The following PLD5 variants were observed in gnomAD, a reference collection of about 807,000 sequenced individuals.
PLD5 encodes inactive phospholipase D5.
In PLD5, 36 loss-of-function variants were observed where a neutral mutation model predicts 61.1. That is an observed-to-expected ratio of 0.59 (90% CI 0.45 to 0.78). The LOEUF (loss-of-function observed/expected upper bound fraction) is 0.78, where lower values mean the gene tolerates loss of function less well. Ranked by LOEUF, PLD5 falls within the 30% of genes least tolerant of loss-of-function variation. The probability of loss-of-function intolerance (pLI) is 0.00; values close to 1 mark genes in which losing one functional copy is unlikely to be tolerated. For missense variants in PLD5, 515 were observed against 644.4 expected (o/e 0.80, Z 2.17); for synonymous variants, 243 against 242.8 (o/e 1.00, Z -0.01).
chr1:242,182,574 G>A (rs1574468146), intron 5 of PLD5, among the ~76,000 whole-genome samples: 1 of 152,162 alleles, frequency 6.6e-6, no homozygotes, highest in African/African-American at 2.4e-5. Context: ...AGGGCGCAGT[G>A]GCTCACGCTT....
intron 2 of PLD5, among the ~76,000 whole-genome samples, chr1:242,343,348 C>T (rs1659948447): frequency 1.3e-5 from 2 of 152,084 alleles, no homozygotes; most frequent in African/African-American, 2.4e-5. Flanking sequence ...CATTGGACTT[C>T]AGAACAAAGT....
At chr1:242,498,917 C>A (rs1668463550) in intron 1 of PLD5, among the ~76,000 whole-genome samples, 1 of 152,130 alleles carries the variant, frequency 6.6e-6, no homozygotes, top group South Asian at 2.1e-4. Flanking sequence ...CATATATAAC[C>A]ACTTTCTTAA....
intron 1 of PLD5, among the ~76,000 whole-genome samples, chr1:242,432,774 C>G (rs116812991): frequency 0.035 from 5,215 of 150,446 alleles, 289 homozygotes; most frequent in African/African-American, 0.12. Context: ...GTGGGAAGGC[C>G]AAATGGAAAA....
intron 5 of PLD5, among the ~76,000 whole-genome samples, chr1:242,160,396 C>A (rs971276961): frequency 1.3e-5 from 2 of 152,080 alleles, no homozygotes; most frequent in African/African-American, 4.8e-5. Flanking sequence ...CTAGAGAGAT[C>A]ACACCCCTAA....
At chr1:242,201,233 C>T (rs1668966342) in intron 5 of PLD5, among the ~76,000 whole-genome samples, 2 of 152,048 alleles carry the variant, frequency 1.3e-5, no homozygotes, top group South Asian at 4.1e-4. Context: ...TTGGTGAATT[C>T]AACAATAAAG....
intron 6 of PLD5, among the ~76,000 whole-genome samples, chr1:242,115,008 C>T (rs1661829278): frequency 6.6e-6 from 1 of 151,974 alleles, no homozygotes; most frequent in Admixed American, 6.6e-5. Flanking sequence ...GAAACCCCGT[C>T]TCTACTAAAA....
intron 4 of PLD5, among the ~76,000 whole-genome samples, chr1:242,251,197 G>C (rs1210901822): frequency 6.6e-6 from 1 of 152,070 alleles, no homozygotes; most frequent in Non-Finnish European, 1.5e-5. Flanking sequence ...ACAATGTGTG[G>C]GCCATCTGCA....
intron 2 of PLD5, among the ~76,000 whole-genome samples, chr1:242,335,307 C>T (rs1010327674): frequency 6.6e-6 from 1 of 152,150 alleles, no homozygotes; most frequent in Admixed American, 6.5e-5. Context: ...GAATCAATAA[C>T]ACTGGATCCT....
chr1:242,204,361 G>C (rs982242973), intron 5 of PLD5, among the ~76,000 whole-genome samples: 1 of 152,120 alleles, frequency 6.6e-6, no homozygotes, highest in Admixed American at 6.6e-5. Context: ...TTTAGATGTA[G>C]AATAAAGCTC....
chr1:242,419,307 C>T (rs59934139), intron 1 of PLD5, among the ~76,000 whole-genome samples: 5,684 of 152,002 alleles, frequency 0.037, 380 homozygotes, highest in African/African-American at 0.13. Flanking sequence ...GGCAAAGACT[C>T]GTCGCATGAC....
intron 1 of PLD5, among the ~76,000 whole-genome samples, chr1:242,475,915 C>A (rs1015273229): frequency 6.6e-6 from 1 of 152,148 alleles, no homozygotes; most frequent in Non-Finnish European, 1.5e-5. Flanking sequence ...AGACCCTTCC[C>A]TCTCAGCCTC....
intron 5 of PLD5, among the ~76,000 whole-genome samples, chr1:242,144,790 T>C (rs1426007030): frequency 6.6e-6 from 1 of 151,596 alleles, no homozygotes; most frequent in Non-Finnish European, 1.5e-5. Flanking sequence ...CAAAAATAAA[T>C]AAATAAATAA....
intron 5 of PLD5, among the ~76,000 whole-genome samples, chr1:242,158,989 C>T (rs1420418359): frequency 1.3e-5 from 2 of 151,950 alleles, no homozygotes; most frequent in African/African-American, 4.8e-5. Flanking sequence ...GCATGTTATC[C>T]ACCTCTGCTA....
intron 5 of PLD5, among the ~76,000 whole-genome samples, chr1:242,125,833 C>T (rs115285573): frequency 1.6e-3 from 239 of 152,248 alleles, no homozygotes; most frequent in African/African-American, 5.6e-3. Flanking sequence ...ACAACATGGC[C>T]TGGAGATCTT....
chr1:242,397,177 C>T (rs1364535522), intron 1 of PLD5, among the ~76,000 whole-genome samples: 1 of 152,042 alleles, frequency 6.6e-6, no homozygotes, highest in African/African-American at 2.4e-5. Flanking sequence ...TTTATCTCTA[C>T]ATAGACCTCG....
intron 1 of PLD5, among the ~76,000 whole-genome samples, chr1:242,501,790 T>TTATATATATATA (rs10648981): frequency 3.5e-4 from 52 of 147,200 alleles, no homozygotes; most frequent in African/African-American, 1.2e-3. Context: ...TAATATTCCA[T>TTATATATATATA]TATATATATA....
chr1:242,463,421 C>A (rs562025899), intron 1 of PLD5, among the ~76,000 whole-genome samples: 5 of 152,174 alleles, frequency 3.3e-5, no homozygotes, highest in Admixed American at 2.0e-4. Flanking sequence ...GCATCGCAAG[C>A]GGACTCCTAA....
intron 1 of PLD5, among the ~76,000 whole-genome samples, chr1:242,429,430 A>T (rs894104764): frequency 6.6e-6 from 1 of 152,190 alleles, no homozygotes; most frequent in Admixed American, 6.5e-5. Context: ...TACTTTTTTT[A>T]GAGACAAGGT....
intron 1 of PLD5, among the ~76,000 whole-genome samples, chr1:242,454,368 C>A (rs1474808200): frequency 6.7e-6 from 1 of 149,654 alleles, no homozygotes; most frequent in Non-Finnish European, 1.5e-5. Flanking sequence ...CTCAAGCAAA[C>A]CCACTCAGTC....
Sources: gnomAD v4.1 joint callset for allele counts (sites outside exome capture counted in the v4.1 genomes callset) on GRCh38, gnomAD v4.1.1 for gene constraint, MANE v1.5 for transcripts, NCBI Gene and HGNC (gene_info 2026-07-23, HGNC 2026-07-21) for gene names.